Variants in ABCB11 observed in about 807,000 individuals in gnomAD.
ABCB11 encodes the protein ATP binding cassette subfamily B member 11.
A neutral mutation model predicts 148.0 loss-of-function variants in ABCB11; 95 were observed. The ratio of observed to expected loss-of-function variants is 0.64; its 90% CI spans 0.54 to 0.76. ABCB11 has a LOEUF of 0.76. Among genes scored for constraint, ABCB11 ranks in the 30% least tolerant of loss-of-function variants. The pLI, the probability that ABCB11 is intolerant of heterozygous loss-of-function variation, is 0.00. For synonymous variants in ABCB11, 591 were observed against 555.4 expected, an observed-to-expected ratio of 1.06 and a Z score of -0.90; for missense variants, 1,523 against 1,617.8, an observed-to-expected ratio of 0.94 and a Z score of 1.01.
At chr2:168,968,354 T>C in intron 17 of ABCB11, 73 bp downstream of exon 17, 1 of 1,400,564 alleles carries the variant, frequency 7.1e-7, no homozygotes, top group East Asian at 2.4e-5. Context: ...AGATATTCTC[T>C]GAGGATTAGG....
At chr2:168,974,965 TAG>T (rs1210199631) in intron 12 of ABCB11, among the ~76,000 whole-genome samples, 4 of 147,764 alleles carry the variant, frequency 2.7e-5, no homozygotes, top group Non-Finnish European at 6.0e-5. Flanking sequence ...TGAAGGTAAA[TAG>T]AGATATACAC....
At chr2:168,993,024 T>C in intron 8 of ABCB11, among the ~76,000 whole-genome samples, 1 of 152,064 alleles carries the variant, frequency 6.6e-6, no homozygotes, top group South Asian at 2.1e-4. Flanking sequence ...TTAGCTGATG[T>C]GACCCGAAAT....
At chr2:168,938,776 A>G (rs184054050) in intron 21 of ABCB11, among the ~76,000 whole-genome samples, 1 of 152,196 alleles carries the variant, frequency 6.6e-6, no homozygotes, top group Admixed American at 6.5e-5. Flanking sequence ...GCAACTTTGC[A>G]GCTCTTTGGG....
At chr2:169,024,675 G>T (rs1695640905) in intron 1 of ABCB11, among the ~76,000 whole-genome samples, 2 of 151,936 alleles carry the variant, frequency 1.3e-5, no homozygotes. Context: ...TTCTGTTCCA[G>T]GATTCCATCT....
chr2:168,945,611 A>G (rs1023000752), intron 19 of ABCB11, among the ~76,000 whole-genome samples: 5 of 150,668 alleles, frequency 3.3e-5, no homozygotes, highest in Non-Finnish European at 1.5e-5. Flanking sequence ...AGAAGGAAGA[A>G]AGGAAGCAAA....
chr2:168,966,527 C>T (rs997036980), intron 17 of ABCB11, among the ~76,000 whole-genome samples: 1 of 151,834 alleles, frequency 6.6e-6, no homozygotes, highest in African/African-American at 2.4e-5. Context: ...CTGTCTCTCC[C>T]CTTCTCTGAA....
rs1463495506 is a variant in ABCB11 at position 168,973,581 on chromosome 2, C to T, written c.1434+134G>A. The T allele has an allele frequency of 1.2e-5, 13 of 1,124,996 alleles. No homozygotes were observed. In the East Asian group the frequency reaches 3.3e-4, roughly 29 times the overall value. The allele number at this position is 1,124,996 out of a possible 1,614,324, so 69.7% of individuals were successfully genotyped here. On this transcript the variant is annotated intron_variant, in intron 13 of 27. Coordinates refer to ENST00000650372, the MANE Select transcript of ABCB11 (RefSeq NM_003742.4). The stretch of plus-strand genomic sequence containing the variant: ...ATGTAGGAAGCGTGTCCCATCAATT[C>T]AGTAACAAATCATTAAGTTAACTAT...
In ABCB11 at chr2:168,971,843, G is replaced by A; in HGVS notation, c.1638+4C>T. ...TTCTCCCAGGAATGTATGGCTAGGG[G>A]TACCTGTGGCAGGTCCATGATGAAG... On this transcript the variant is annotated splice_donor_region_variant and intron_variant, in intron 14 of 27. Transcript: ENST00000650372. 1 of 1,612,208 alleles carries A rather than the reference G, an allele frequency of 6.2e-7. No individual in the cohort carries two copies. Among genetic ancestry groups the A allele is most frequent in the Non-Finnish European group, 8.5e-7 (1 of 1,178,762 alleles).
At position 168,923,919 on chromosome 2, in the gene ABCB11, T is replaced by C. The variant is rs1203362691; in HGVS notation, c.3766-97A>G. On this transcript the variant is annotated intron_variant, in intron 27 of 27. Transcript: ENST00000650372. Reference sequence around the variant, plus strand: ...GTTAACACGACCTGAATAACAATCCTATACTTGACGGCAAACCCAAAGGCT... The same window carrying C: ...GTTAACACGACCTGAATAACAATCCCATACTTGACGGCAAACCCAAAGGCT... The C allele has an allele frequency of 4.2e-5, 50 of 1,197,230 alleles. No homozygotes were observed. In the East Asian group the frequency reaches 1.2e-3, roughly 29 times the overall value. The allele number at this position is 1,197,230 out of a possible 1,614,324, so 74.2% of individuals were successfully genotyped here. A position where few individuals can be genotyped will look rare whatever the true frequency, so the allele number is the denominator to read the frequency against.
intron 19 of ABCB11, among the ~76,000 whole-genome samples, chr2:168,950,632 T>C (rs577689486): frequency 6.6e-6 from 1 of 151,874 alleles, no homozygotes; most frequent in South Asian, 2.1e-4. Context: ...AATGAAATTA[T>C]TTGGTTGTTG....
At chr2:169,018,173 A>G (rs1294317282) in intron 1 of ABCB11, 21 bp from the exon 2 acceptor site, 5 of 1,578,890 alleles carry the variant, frequency 3.2e-6, no homozygotes, top group African/African-American at 1.4e-5. Context: ...AAATAAAAGA[A>G]TCATTGCAAT....
rs199649780 is a variant in ABCB11, at chr2:168,924,753, C to G, written c.3669G>C (p.Glu1223Asp). The G allele has an allele frequency of 5.8e-5, 93 of 1,613,568 alleles. No individual in the cohort carries two copies. Among genetic ancestry groups the G allele is most frequent in the Non-Finnish European group, 7.8e-5 (92 of 1,179,784 alleles). Residue 1223 changes from glutamate to aspartate, a missense_variant, in exon 27 of 28, where the codon GAG (glutamate) becomes GAC (aspartate). Transcript: ENST00000650372. ...CCCGAGCAATAGCAATGCGTTGTTT[C>G]TCCCCTCTAGAGAGTTGAGACCCCT... is the stretch of plus-strand genomic sequence containing the variant. ...GSQGSQLSRGEKQRIAIARAI... is the reference protein window; with the variant it reads ...GSQGSQLSRGDKQRIAIARAI...
chr2:168,950,169 A>AC lies in ABCB11; in HGVS notation c.2344-5209_2344-5208insG, dbSNP rs554029754. Among the ~76,000 whole-genome samples, 19 of 145,728 alleles carry AC rather than the reference A, an allele frequency of 1.3e-4. No individual in the cohort carries two copies. The East Asian group carries it at 3.5e-3, about 27-fold the overall frequency. The stretch of plus-strand genomic sequence containing the variant: ...CACACACACACACACACACACACAC[A>AC]AAATAGGATATATATCCTATAAACG... On this transcript the variant is annotated intron_variant, in intron 19 of 27. Transcript: ENST00000650372.
rs915763686 is a variant in ABCB11, at chr2:168,921,601, C to T, written c.*2021G>A. Among the ~76,000 whole-genome samples, 3 of 152,162 alleles carry T rather than the reference C, an allele frequency of 2.0e-5. No homozygotes were observed. Among genetic ancestry groups the T allele is most frequent in the Non-Finnish European group, 4.4e-5 (3 of 68,038 alleles). On this transcript the variant is annotated 3_prime_UTR_variant, in exon 28 of 28. Transcript: ENST00000650372. Reference sequence around the variant, plus strand: ...TTTTTGAGTGTTTTTCTAATCACTGCATTGGCTCTGTTACTTCTAATTTCC... The same window carrying T: ...TTTTTGAGTGTTTTTCTAATCACTGTATTGGCTCTGTTACTTCTAATTTCC...
chr2:168,968,381 C>G (rs1474537377), intron 17 of ABCB11, 46 bp downstream of exon 17: 3 of 1,571,506 alleles, frequency 1.9e-6, no homozygotes, highest in African/African-American at 2.7e-5. Flanking sequence ...GAGGACTCCT[C>G]AGAATATTTG....
intron 1 of ABCB11, among the ~76,000 whole-genome samples, chr2:169,030,293 A>G (rs1398533598): frequency 2.0e-5 from 3 of 152,122 alleles, no homozygotes; most frequent in African/African-American, 7.2e-5. Context: ...GCTCCTAGAC[A>G]GGGAAATGGA....
rs551804885 is a variant in ABCB11, at chr2:168,987,500, C to T, written c.909-1216G>A. 8.5e-5 allele frequency among the ~76,000 whole-genome samples: 13 copies of T among 152,234 alleles called. No individual in the cohort carries two copies. In the South Asian group the frequency reaches 1.0e-3, roughly 12 times the overall value. ...CTGGAGTGCAGTAGCATGATCACAGCTCGCTGTAACCTCAAACTCCCCAGA... is the reference window on the plus strand; with the variant it reads ...CTGGAGTGCAGTAGCATGATCACAGTTCGCTGTAACCTCAAACTCCCCAGA... On this transcript the variant is annotated intron_variant, in intron 9 of 27. Transcript: ENST00000650372.
At chr2:169,026,164 T>A (rs911363507) in intron 1 of ABCB11, among the ~76,000 whole-genome samples, 1 of 152,220 alleles carries the variant, frequency 6.6e-6, no homozygotes, top group Admixed American at 6.5e-5. Context: ...AGATTGTTTA[T>A]GTCTAATAAG....
At chr2:168,944,519 G>C in intron 21 of ABCB11, 86 bp downstream of exon 21, 1 of 1,418,478 alleles carries the variant, frequency 7.0e-7, no homozygotes, top group Non-Finnish European at 9.5e-7. Flanking sequence ...CTATTCCATA[G>C]AAAACATGCA....
Sources: gnomAD v4.1 joint callset for allele counts (sites outside exome capture counted in the v4.1 genomes callset) on GRCh38, gnomAD v4.1.1 for gene constraint, MANE v1.5 for transcripts, NCBI Gene and HGNC (gene_info 2026-07-23, HGNC 2026-07-21) for gene names.